The following NEK11 variants were observed in gnomAD, a reference collection of about 807,000 sequenced individuals.
NEK11 encodes NIMA related kinase 11.
In NEK11, 72 loss-of-function variants were observed where a neutral mutation model predicts 80.7. The observed-to-expected ratio is 0.89, with a 90% CI of 0.74 to 1.08. The LOEUF (loss-of-function observed/expected upper bound fraction) is 1.08. Ranked by LOEUF, NEK11 falls within the 50% of genes least tolerant of loss-of-function variation. The pLI is 0.00. For missense variants in NEK11, 764 were observed against 763.6 expected (o/e 1.00, Z -0.01); for synonymous variants, 251 against 260.7 (o/e 0.96, Z 0.36).
chr3:131,145,536 C>T (rs1376534930), intron 7 of NEK11, among the ~76,000 whole-genome samples: 1 of 151,954 alleles, frequency 6.6e-6, no homozygotes, highest in Non-Finnish European at 1.5e-5. Flanking sequence ...TGTCTAAGGC[C>T]CCAGTGATTT....
chr3:131,072,065 T>G (rs759002920), intron 3 of NEK11, among the ~76,000 whole-genome samples: 7 of 152,230 alleles, frequency 4.6e-5, no homozygotes, highest in Non-Finnish European at 1.0e-4. Flanking sequence ...TCTTCCTTCT[T>G]GTAGCAAAGT....
intron 16 of NEK11, among the ~76,000 whole-genome samples, chr3:131,264,596 T>C (rs1025425677): frequency 2.6e-5 from 4 of 152,356 alleles, no homozygotes; most frequent in African/African-American, 9.6e-5. Context: ...ACCAGTACCA[T>C]GCTGTTTTGG....
intron 4 of NEK11, among the ~76,000 whole-genome samples, chr3:131,081,330 CT>C (rs373707409): frequency 1.3e-5 from 2 of 152,086 alleles, no homozygotes; most frequent in Non-Finnish European, 2.9e-5. Context: ...GGAAATATGG[CT>C]TTTTTCCCCA....
chr3:131,117,035 T>A (rs1308018594), intron 5 of NEK11, among the ~76,000 whole-genome samples: 1 of 152,184 alleles, frequency 6.6e-6, no homozygotes, highest in East Asian at 1.9e-4. Flanking sequence ...GGTGTTTTAG[T>A]CATGAAGTCC....
intron 4 of NEK11, among the ~76,000 whole-genome samples, chr3:131,082,332 T>G (rs2075389851): frequency 6.6e-6 from 1 of 152,360 alleles, no homozygotes; most frequent in East Asian, 1.9e-4. Flanking sequence ...CTGTGTTATT[T>G]TAGAAACAAC....
rs147206346 is a variant in NEK11, at chr3:131,142,197, T to C, written c.647+8241T>C. ...ACTCAGTTAGTTGTGACACACTTCA[T>C]ATCCACCCATATTCCACTGGCTGAA... On this transcript the variant is annotated intron_variant, in intron 7 of 17. Transcript: ENST00000383366. Among the ~76,000 whole-genome samples the C allele has an allele frequency of 1.7e-4, 26 of 152,340 alleles. No individual in the cohort carries two copies. The East Asian group carries it at 4.8e-3, about 28-fold the overall frequency.
At chr3:131,071,623 A>G (rs2073319448) in intron 3 of NEK11, among the ~76,000 whole-genome samples, 1 of 152,004 alleles carries the variant, frequency 6.6e-6, no homozygotes, top group African/African-American at 2.4e-5. Flanking sequence ...TATATAAAAT[A>G]ATTTTGAATT....
At chr3:131,277,230 T>C (rs1302940286) in intron 17 of NEK11, among the ~76,000 whole-genome samples, 1 of 152,234 alleles carries the variant, frequency 6.6e-6, no homozygotes, top group Non-Finnish European at 1.5e-5. Context: ...TGACCAATCT[T>C]GTTTTTCTAT....
chr3:131,160,880 G>A (rs1041694547), intron 10 of NEK11, among the ~76,000 whole-genome samples: 1 of 152,088 alleles, frequency 6.6e-6, no homozygotes, highest in Non-Finnish European at 1.5e-5. Context: ...CTAACTATCC[G>A]AAATATACAT....
At chr3:131,322,612 G>T (rs1316035674) in intron 17 of NEK11, among the ~76,000 whole-genome samples, 2 of 152,134 alleles carry the variant, frequency 1.3e-5, no homozygotes, top group African/African-American at 2.4e-5. Flanking sequence ...AAGAACTTGG[G>T]GTCTCATTAA....
chr3:131,072,660 T>A (rs1353690260), intron 3 of NEK11, among the ~76,000 whole-genome samples: 1 of 152,120 alleles, frequency 6.6e-6, no homozygotes, highest in East Asian at 1.9e-4. Context: ...ACCCAAGGCA[T>A]CCTTGGTTGT....
At chr3:131,137,362 T>G (rs1423216390) in intron 7 of NEK11, among the ~76,000 whole-genome samples, 1 of 152,122 alleles carries the variant, frequency 6.6e-6, no homozygotes, top group East Asian at 1.9e-4. Context: ...ACAGCCTATT[T>G]TTTTGAGAAA....
rs560913731 is a variant in NEK11 at position 131,034,383 on chromosome 3, T to G, written c.170+4505T>G. On this transcript the variant is annotated intron_variant, in intron 3 of 17. Coordinates refer to ENST00000383366, the MANE Select transcript of NEK11 (RefSeq NM_024800.5). ...GTTGTCTGTTTTAGTCTGTCAACTA[T>G]GAAGTATTTAATACAATTTAAATTT... 2.0e-5 allele frequency among the ~76,000 whole-genome samples: 3 copies of G among 152,328 alleles called. No individual in the cohort carries two copies. The South Asian group carries it at 6.2e-4, about 32-fold the overall frequency.
intron 17 of NEK11, among the ~76,000 whole-genome samples, chr3:131,335,578 C>T (rs1345772910): frequency 2.0e-5 from 3 of 152,206 alleles, no homozygotes; most frequent in African/African-American, 7.2e-5. Context: ...TGCCCTCTCT[C>T]ACCACTCCTA....
At chr3:131,128,927 G>T (rs1166183432) in intron 5 of NEK11, among the ~76,000 whole-genome samples, 1 of 151,906 alleles carries the variant, frequency 6.6e-6, no homozygotes, top group Non-Finnish European at 1.5e-5. Flanking sequence ...CATCTTTTCA[G>T]GTTTATTTGC....
At chr3:131,291,040 A>G (rs1389309752) in intron 17 of NEK11, among the ~76,000 whole-genome samples, 2 of 152,150 alleles carry the variant, frequency 1.3e-5, no homozygotes, top group Admixed American at 6.5e-5. Flanking sequence ...ATCCATCACT[A>G]TAGTATCATA....
intron 3 of NEK11, among the ~76,000 whole-genome samples, chr3:131,073,347 G>A (rs1653261819): frequency 6.6e-6 from 1 of 152,138 alleles, no homozygotes; most frequent in Non-Finnish European, 1.5e-5. Context: ...AATTTGCAAT[G>A]ATTTGTTATA....
chr3:131,171,492 A>C (rs998979344), intron 14 of NEK11, among the ~76,000 whole-genome samples: 1 of 152,208 alleles, frequency 6.6e-6, no homozygotes, highest in African/African-American at 2.4e-5. Context: ...GATACATGCA[A>C]ATGGAGTAGG....
At chr3:131,254,323 T>A (rs2095764112) in intron 16 of NEK11, among the ~76,000 whole-genome samples, 1 of 152,188 alleles carries the variant, frequency 6.6e-6, no homozygotes, top group Non-Finnish European at 1.5e-5. Context: ...GAAATTTTTT[T>A]CTGTCAAGGT....
Sources: gnomAD v4.1 joint callset for allele counts (sites outside exome capture counted in the v4.1 genomes callset) on GRCh38, gnomAD v4.1.1 for gene constraint, MANE v1.5 for transcripts, NCBI Gene and HGNC (gene_info 2026-07-23, HGNC 2026-07-21) for gene names.